The following PCDHGA4 variants were observed in gnomAD, a reference collection of about 807,000 sequenced individuals.
The protein encoded by PCDHGA4 is protocadherin gamma-A4.
PCDHGA4 carries 38 observed loss-of-function variants against 54.6 expected under a neutral mutation model. The observed-to-expected ratio is 0.70, with a 90% confidence interval of 0.54 to 0.91. The LOEUF (loss-of-function observed/expected upper bound fraction) is 0.91, where lower values mean the gene tolerates loss of function less well. Ranked by LOEUF, PCDHGA4 falls within the 40% of genes least tolerant of loss-of-function variation. PCDHGA4 has a pLI of 0.00. For missense variants in PCDHGA4, 1,298 were observed against 1,220.9 expected, an observed-to-expected ratio of 1.06 and a Z score of -0.94; for synonymous variants, 511 against 512.9, an observed-to-expected ratio of 1.00 and a Z score of 0.05.
intron 1 of PCDHGA4, chr5:141,404,335 C>G (rs2094514976): frequency 1.2e-6 from 2 of 1,613,936 alleles, no homozygotes; most frequent in Non-Finnish European, 1.7e-6. Context: ...CAGTCTACCT[C>G]CCGGAAAACA....
At chr5:141,436,394 T>C (rs781428769) in intron 1 of PCDHGA4, among the ~76,000 whole-genome samples, 15 of 152,216 alleles carry the variant, frequency 9.9e-5, no homozygotes, top group Non-Finnish European at 1.9e-4. Flanking sequence ...CTTTATTAAA[T>C]AGTTGTTGAA....
chr5:141,376,217 CT>C (rs1370033371), intron 1 of PCDHGA4: 2 of 1,614,210 alleles, frequency 1.2e-6, no homozygotes, highest in East Asian at 4.5e-5. Flanking sequence ...CATCGTGCTG[CT>C]GGCGCTCAGA....
At chr5:141,428,147 G>A (rs771536400) in intron 1 of PCDHGA4, 2 of 1,589,610 alleles carry the variant, frequency 1.3e-6, no homozygotes, top group Admixed American at 1.7e-5. Context: ...GGCTGCACAC[G>A]GGAACCTGCT....
chr5:141,450,948 C>T (rs1250110393), intron 1 of PCDHGA4, among the ~76,000 whole-genome samples: 2 of 151,870 alleles, frequency 1.3e-5, no homozygotes, highest in East Asian at 3.9e-4. Flanking sequence ...CCTCAGCCTC[C>T]CAAGTAGCTG....
At chr5:141,452,251 ACT>A (rs899414988) in intron 1 of PCDHGA4, among the ~76,000 whole-genome samples, 29 of 152,204 alleles carry the variant, frequency 1.9e-4, no homozygotes, top group African/African-American at 6.7e-4. Flanking sequence ...TTTTGCCATA[ACT>A]CTCTCATTTT....
At chr5:141,403,266 A>G in intron 1 of PCDHGA4, 11 of 1,613,858 alleles carry the variant, frequency 6.8e-6, no homozygotes, top group Non-Finnish European at 9.3e-6. Context: ...TGTCTGGTGA[A>G]CTTTAAAGTC....
chr5:141,510,613 C>T (rs559713771), intron 3 of PCDHGA4, among the ~76,000 whole-genome samples: 17 of 152,298 alleles, frequency 1.1e-4, no homozygotes, highest in Admixed American at 2.0e-4. Context: ...TTAGCATTCA[C>T]TAAAACCAGA....
chr5:141,398,525 T>A, intron 1 of PCDHGA4: 1 of 1,613,440 alleles, frequency 6.2e-7, no homozygotes, highest in Non-Finnish European at 8.5e-7. Flanking sequence ...ACGCCAAAAT[T>A]CACGCAAAAT....
chr5:141,423,756 GGGGGTGGGGC>G, intron 1 of PCDHGA4: 1 of 448,620 alleles, frequency 2.2e-6, no homozygotes, highest in Non-Finnish European at 3.0e-6. Context: ...TGTTTGGGGG[GGGGGTGGGGC>G]GGCATATATT....
chr5:141,394,292 G>A (rs1173905383), intron 1 of PCDHGA4: 18 of 1,613,852 alleles, frequency 1.1e-5, no homozygotes, highest in Non-Finnish European at 1.4e-5. Flanking sequence ...CTGTGACCGA[G>A]GACACGCTGC....
intron 1 of PCDHGA4, chr5:141,383,909 T>A: frequency 6.2e-7 from 1 of 1,613,856 alleles, no homozygotes; most frequent in Non-Finnish European, 8.5e-7. Context: ...CTGATCACAG[T>A]TTTAGATGTA....
intron 1 of PCDHGA4, chr5:141,423,138 C>G (rs767107885): frequency 1.2e-6 from 2 of 1,613,606 alleles, no homozygotes; most frequent in Non-Finnish European, 1.7e-6. Flanking sequence ...TGGACAGAGA[C>G]GCGCTCAAGC....
At position 141,360,209 on chromosome 5, in the gene PCDHGA4, TC is replaced by T. The variant is rs774225150; in HGVS notation, c.2514+2592del. The stretch of plus-strand genomic sequence containing the variant: ...CTGTTGCCCTTCCTGTTGTCTTTGT[TC>T]CCCGGGGCTCTCCCAGTCCAGATCC... On this transcript the variant is annotated intron_variant, in intron 1 of 3. Transcript: ENST00000571252. The T allele has an allele frequency of 6.2e-6, 10 of 1,613,002 alleles. No individual in the cohort carries two copies. In the South Asian group the frequency reaches 6.6e-5, roughly 11 times the overall value.
intron 1 of PCDHGA4, chr5:141,374,478 G>C (rs781173070): frequency 6.2e-7 from 1 of 1,611,820 alleles, no homozygotes; most frequent in African/African-American, 1.3e-5. Flanking sequence ...AATACACCCC[G>C]ATTCTTAAAG....
chr5:141,384,791 C>A (rs773450358), intron 1 of PCDHGA4: 22 of 1,613,424 alleles, frequency 1.4e-5, no homozygotes, highest in Non-Finnish European at 1.9e-5. Flanking sequence ...ACGGCTCGGG[C>A]CCTGCTGGAC....
chr5:141,487,608 G>A lies in PCDHGA4; in HGVS notation c.2515-7199G>A, dbSNP rs970411391. On this transcript the variant is annotated intron_variant, in intron 1 of 3. Coordinates refer to ENST00000571252, the MANE Select transcript of PCDHGA4 (RefSeq NM_018917.4). The surrounding 1 kb of genome is among the most constrained non-coding windows in gnomAD (Gnocchi z 5.0). ...TGCCCACCCTCTGATCTTCTCTATG[G>A]GCTAGAGGTGAGACCTTTGCAGGCT... 1 of 1,614,182 alleles carries A rather than the reference G, an allele frequency of 6.2e-7. No individual in the cohort carries two copies. Among genetic ancestry groups the A allele is most frequent in the African/African-American group, 1.3e-5 (1 of 75,050 alleles).
In PCDHGA4 at chr5:141,466,692, A is replaced by G. The variant is rs185786515; in HGVS notation, c.2515-28115A>G. Among the ~76,000 whole-genome samples the G allele has an allele frequency of 3.0e-4, 46 of 152,280 alleles. 1 individual carries two copies. The highest frequency in any genetic ancestry group is 1.0e-3 in the African/African-American group (43 of 41,558). On this transcript the variant is annotated intron_variant, in intron 1 of 3. Coordinates refer to ENST00000571252, the MANE Select transcript of PCDHGA4 (RefSeq NM_018917.4). ...ACCGTTCTTCCACTCAAGCTTCATCATAAATTTGATGTCTGTTCTTGTTTC... is the reference window on the plus strand; with the variant it reads ...ACCGTTCTTCCACTCAAGCTTCATCGTAAATTTGATGTCTGTTCTTGTTTC...
chr5:141,371,426 C>G, intron 1 of PCDHGA4: 1 of 1,613,892 alleles, frequency 6.2e-7, no homozygotes, highest in Non-Finnish European at 8.5e-7. Flanking sequence ...ATGACAATGC[C>G]CCGGAGATAA....
At chr5:141,371,175 G>C (rs753971437) in intron 1 of PCDHGA4, 2 of 1,613,886 alleles carry the variant, frequency 1.2e-6, no homozygotes, top group African/African-American at 2.7e-5. Context: ...TGGCTCCTCC[G>C]TATTAAAAGT....
Sources: gnomAD v4.1 joint callset for allele counts (sites outside exome capture counted in the v4.1 genomes callset) on GRCh38, gnomAD v4.1.1 for gene constraint, Gnocchi (gnomAD v3.1) non-coding constraint, MANE v1.5 for transcripts, NCBI Gene and HGNC (gene_info 2026-07-23, HGNC 2026-07-21) for gene names.